BATF: variants seen among roughly 807,000 people sequenced by gnomAD.
The protein encoded by BATF is basic leucine zipper transcriptional factor ATF-like.
BATF carries 5 observed loss-of-function variants against 13.7 expected under a neutral mutation model. The ratio of observed to expected loss-of-function variants is 0.36; its 90% CI spans 0.19 to 0.77. The LOEUF is 0.77. BATF is among the 30% of genes least tolerant of loss of function. The probability of loss-of-function intolerance (pLI) is 0.51; values close to 1 mark genes in which losing one functional copy is unlikely to be tolerated. For synonymous variants in BATF, 72 were observed against 67.5 expected, an observed-to-expected ratio of 1.07 and a Z score of -0.33; for missense variants, 124 against 163.0, an observed-to-expected ratio of 0.76 and a Z score of 1.30.
At chr14:75,536,631 G>C (rs1003656778) in intron 2 of BATF, among the ~76,000 whole-genome samples, 1 of 151,912 alleles carries the variant, frequency 6.6e-6, no homozygotes, top group East Asian at 1.9e-4. Context: ...GCTGAGGCGG[G>C]AGATTTGCTT....
intron 2 of BATF, among the ~76,000 whole-genome samples, chr14:75,544,556 C>T (rs1887951983): frequency 1.2e-5 from 1 of 83,476 alleles, no homozygotes; most frequent in African/African-American, 4.0e-5. Flanking sequence ...CAGAGTGAGA[C>T]TGTCTCAAAA....
At chr14:75,524,249 C>A (rs1887619406) in intron 1 of BATF, among the ~76,000 whole-genome samples, 2 of 152,194 alleles carry the variant, frequency 1.3e-5, no homozygotes, top group African/African-American at 2.4e-5. Context: ...CCCAAAGATC[C>A]CCTTATCCTA....
chr14:75,529,396 G>A (rs953700279), intron 2 of BATF, among the ~76,000 whole-genome samples: 3 of 152,130 alleles, frequency 2.0e-5, no homozygotes, highest in South Asian at 2.1e-4. Flanking sequence ...CACTTTGGGA[G>A]GCCAAGGTGG....
chr14:75,539,066 G>A (rs1183566685), intron 2 of BATF, among the ~76,000 whole-genome samples: 2 of 152,230 alleles, frequency 1.3e-5, no homozygotes, highest in African/African-American at 4.8e-5. Context: ...AGACAAGTGA[G>A]AGACCAGCCA....
At position 75,522,668 on chromosome 14, in the gene BATF, CG is replaced by C. The variant is rs1566764872; in HGVS notation, c.-13del. Reference sequence around the variant, plus strand: ...GTGCCTGGGGCTGAGTGTGAGAGCCCGGAAGATTTCAGCCATGCCTCACAGC... The same window carrying C: ...GTGCCTGGGGCTGAGTGTGAGAGCCCGAAGATTTCAGCCATGCCTCACAGC... On this transcript the variant is annotated 5_prime_UTR_variant, in exon 1 of 3. Transcript: ENST00000286639. 6.2e-7 allele frequency: 1 copy of C among 1,614,026 alleles called. No homozygotes were observed. The highest frequency in any genetic ancestry group is 8.5e-7 in the Non-Finnish European group (1 of 1,179,986).
At chr14:75,526,919 T>C (rs757385153) in intron 2 of BATF, among the ~76,000 whole-genome samples, 1 of 152,228 alleles carries the variant, frequency 6.6e-6, no homozygotes, top group Non-Finnish European at 1.5e-5. Flanking sequence ...TGTGTACAAG[T>C]AGACAATGTC....
chr14:75,546,763 G>A lies in BATF; in HGVS notation c.*92G>A, dbSNP rs903309226. The A allele has an allele frequency of 5.7e-6, 8 of 1,396,976 alleles. No homozygotes were observed. In the African/African-American group the frequency reaches 1.2e-4, roughly 20 times the overall value. The allele number at this position is 1,396,976 out of a possible 1,614,324, so 86.5% of individuals were successfully genotyped here. On this transcript the variant is annotated 3_prime_UTR_variant, in exon 3 of 3. Transcript: ENST00000286639. Reference sequence around the variant, plus strand: ...CCGCAGAGGCCCCTGTCCACCTGGAGACCCGGAGACAGAGGCCTGGACAAG... The same window carrying A: ...CCGCAGAGGCCCCTGTCCACCTGGAAACCCGGAGACAGAGGCCTGGACAAG...
At chr14:75,545,630 G>A (rs1031417971) in intron 2 of BATF, among the ~76,000 whole-genome samples, 3 of 151,972 alleles carry the variant, frequency 2.0e-5, no homozygotes, top group South Asian at 2.1e-4. Context: ...TGCAGACACC[G>A]GGAGCTTTTG....
At position 75,531,055 on chromosome 14, in the gene BATF, C is replaced by T. The variant is rs1376796492; in HGVS notation, c.168+5867C>T. ...ATTCTCAGCATTGATCATTACCACA[C>T]ATGCATTAGGAGGATTTCTTTTCTA... On this transcript the variant is annotated intron_variant, in intron 2 of 2. Transcript: ENST00000286639. Among the ~76,000 whole-genome samples, 6 of 152,282 alleles carry T rather than the reference C, an allele frequency of 3.9e-5. No homozygotes were observed. The East Asian group carries it at 1.2e-3, about 29-fold the overall frequency.
intron 2 of BATF, among the ~76,000 whole-genome samples, chr14:75,535,223 G>C (rs1887799826): frequency 6.6e-6 from 1 of 152,146 alleles, no homozygotes; most frequent in Non-Finnish European, 1.5e-5. Context: ...CTGGGCAACA[G>C]AGTGAGATCC....
At chr14:75,534,880 C>T (rs1232200376) in intron 2 of BATF, among the ~76,000 whole-genome samples, 1 of 152,122 alleles carries the variant, frequency 6.6e-6, no homozygotes, top group Non-Finnish European at 1.5e-5. Context: ...TGAACAGAGA[C>T]AAAACCCAGT....
At chr14:75,523,234 A>G (rs175723) in intron 1 of BATF, among the ~76,000 whole-genome samples, 58,840 of 144,488 alleles carry the variant, frequency 0.41, 14,696 homozygotes, top group South Asian at 0.63. Context: ...GAAGAAGAAG[A>G]AGAGGAAGAA....
chr14:75,533,149 C>T (rs192634654), intron 2 of BATF, among the ~76,000 whole-genome samples: 7 of 152,260 alleles, frequency 4.6e-5, no homozygotes, highest in Admixed American at 3.3e-4. Flanking sequence ...GGGAGTCCAG[C>T]TCCATGCTGG....
chr14:75,534,918 A>AT (rs1370548904), intron 2 of BATF, among the ~76,000 whole-genome samples: 3 of 152,210 alleles, frequency 2.0e-5, no homozygotes, highest in Non-Finnish European at 2.9e-5. Context: ...TCTCAGCATT[A>AT]TTTTTAATAG....
intron 2 of BATF, among the ~76,000 whole-genome samples, chr14:75,539,912 C>A (rs1887871904): frequency 6.6e-6 from 1 of 152,124 alleles, no homozygotes; most frequent in African/African-American, 2.4e-5. Flanking sequence ...GGGCTCCACC[C>A]TCTGCATGTG....
Position 75,541,142 on chromosome 14 carries a change from A to T in BATF, c.169-5320A>T, listed in dbSNP as rs192054419. On this transcript the variant is annotated intron_variant, in intron 2 of 2. Transcript: ENST00000286639. ...TTAAGTTAACCTAGGCTATTTTTTT[A>T]AAAAAATTTTGGTTTCTATCCACCT... is the stretch of plus-strand genomic sequence containing the variant. Among the ~76,000 whole-genome samples the T allele has an allele frequency of 5.8e-3, 878 of 152,252 alleles. 6 individuals are homozygous for T. The highest frequency in any genetic ancestry group is 0.016 in the African/African-American group (653 of 41,556).
chr14:75,543,322 G>T (rs1887926376), intron 2 of BATF, among the ~76,000 whole-genome samples: 1 of 152,292 alleles, frequency 6.6e-6, no homozygotes, highest in Middle Eastern at 3.4e-3. Context: ...TACTGACCTT[G>T]GCACACTTTC....
chr14:75,526,344 C>G (rs2140034497), intron 2 of BATF, among the ~76,000 whole-genome samples: 1 of 152,338 alleles, frequency 6.6e-6, no homozygotes, highest in African/African-American at 2.4e-5. Flanking sequence ...TGCCCTTGCT[C>G]CAGAAACATT....
intron 2 of BATF, among the ~76,000 whole-genome samples, chr14:75,533,256 G>A (rs1468852533): frequency 1.3e-5 from 2 of 151,950 alleles, no homozygotes; most frequent in African/African-American, 2.4e-5. Context: ...GTGAAACCCT[G>A]TCTCTACTAA....
Sources: gnomAD v4.1 joint callset for allele counts (sites outside exome capture counted in the v4.1 genomes callset) on GRCh38, gnomAD v4.1.1 for gene constraint, MANE v1.5 for transcripts, NCBI Gene and HGNC (gene_info 2026-07-23, HGNC 2026-07-21) for gene names.